ZDHHC3: variants seen among roughly 807,000 people sequenced by gnomAD.
ZDHHC3 encodes palmitoyltransferase ZDHHC3.
In ZDHHC3, 9 loss-of-function variants were observed where a neutral mutation model predicts 30.6. That is an observed-to-expected ratio of 0.29 (90% CI 0.18 to 0.51). ZDHHC3 has a LOEUF of 0.51. Ranked by LOEUF, ZDHHC3 falls within the 20% of genes least tolerant of loss-of-function variation. ZDHHC3 has a pLI of 0.97. For synonymous variants in ZDHHC3, 136 were observed against 140.2 expected (o/e 0.97, Z 0.21); for missense variants, 246 against 384.2 (o/e 0.64, Z 3.01).
chr3:44,963,144 C>T (rs1250369938), intron 1 of ZDHHC3, among the ~76,000 whole-genome samples: 1 of 152,172 alleles, frequency 6.6e-6, no homozygotes, highest in African/African-American at 2.4e-5. Context: ...CAAGTAGGAC[C>T]ATGAGGTAAG....
At chr3:44,967,108 A>G (rs1224421187) in intron 1 of ZDHHC3, among the ~76,000 whole-genome samples, 1 of 152,216 alleles carries the variant, frequency 6.6e-6, no homozygotes. Flanking sequence ...AAAAAAAAGT[A>G]AAATATTGTA....
intron 6 of ZDHHC3, among the ~76,000 whole-genome samples, chr3:44,928,292 G>A (rs1031218127): frequency 2.0e-5 from 3 of 152,162 alleles, no homozygotes; most frequent in African/African-American, 7.2e-5. Flanking sequence ...TGGTGCTCTG[G>A]CAGTGGGCAG....
At chr3:44,929,178 T>G (rs2125813129) in intron 6 of ZDHHC3, 128 bp downstream of exon 6, 1 of 1,242,108 alleles carries the variant, frequency 8.1e-7, no homozygotes, top group Admixed American at 2.6e-5. Context: ...AACAAAGAAC[T>G]GTGCCCTGCA....
intron 6 of ZDHHC3, 133 bp downstream of exon 6, chr3:44,929,173 A>G: frequency 8.3e-7 from 1 of 1,208,006 alleles, no homozygotes. Flanking sequence ...CTGCAAACAA[A>G]GAACTGTGCC....
intron 2 of ZDHHC3, among the ~76,000 whole-genome samples, chr3:44,950,608 G>A (rs1379288318): frequency 6.6e-6 from 1 of 152,118 alleles, no homozygotes; most frequent in Non-Finnish European, 1.5e-5. Flanking sequence ...CCAACCACCT[G>A]AGCCCACCTC....
chr3:44,918,803 G>C lies in ZDHHC3; in HGVS notation c.*7886C>G, dbSNP rs1014079225. 2 of 987,244 alleles carry C rather than the reference G, an allele frequency of 2.0e-6. No homozygotes were observed. The highest frequency in any genetic ancestry group is 1.1e-4 in the East Asian group (1 of 8,846). The allele number at this position is 987,244 out of a possible 1,614,324, so 61.2% of individuals were successfully genotyped here. On this transcript the variant is annotated 3_prime_UTR_variant, in exon 7 of 7. Coordinates refer to ENST00000424952, the MANE Select transcript of ZDHHC3 (RefSeq NM_001135179.2). ...AAGCTGTCAACTCACCTGCCTCTGGGTGTCGGCTGCAACTCAGCCACCAGG... is the reference window on the plus strand; with the variant it reads ...AAGCTGTCAACTCACCTGCCTCTGGCTGTCGGCTGCAACTCAGCCACCAGG...
chr3:44,930,374 G>A (rs1701387944), intron 5 of ZDHHC3, among the ~76,000 whole-genome samples: 1 of 152,204 alleles, frequency 6.6e-6, no homozygotes, highest in South Asian at 2.1e-4. Flanking sequence ...GGAAGATGGT[G>A]CTGACAGACA....
In ZDHHC3 at chr3:44,921,193, A is replaced by G; in HGVS notation, c.*5496T>C. 1 of 984,274 alleles carries G rather than the reference A, an allele frequency of 1.0e-6. No homozygotes were observed. Among genetic ancestry groups the G allele is most frequent in the Non-Finnish European group, 1.2e-6 (1 of 829,798 alleles). The allele number at this position is 984,274 out of a possible 1,614,324, so 61.0% of individuals were successfully genotyped here. On this transcript the variant is annotated 3_prime_UTR_variant, in exon 7 of 7. Coordinates refer to ENST00000424952, the MANE Select transcript of ZDHHC3 (RefSeq NM_001135179.2). ...GTGATCTGTGAACAAACTCACCAAC[A>G]CTCCAAAATGAATGTATTAGGACTA... is the stretch of plus-strand genomic sequence containing the variant.
chr3:44,934,571 CAAAAAAAA>C (rs55841069), intron 3 of ZDHHC3, among the ~76,000 whole-genome samples: 1 of 95,606 alleles, frequency 1.0e-5, no homozygotes. Flanking sequence ...TCCATTTAGC[CAAAAAAAA>C]AAAAAAAAAA....
chr3:44,950,132 C>T (rs1703313488), intron 2 of ZDHHC3, among the ~76,000 whole-genome samples: 1 of 152,208 alleles, frequency 6.6e-6, no homozygotes, highest in African/African-American at 2.4e-5. Flanking sequence ...CCATTGTCCC[C>T]AGCTGTGTTC....
intron 2 of ZDHHC3, among the ~76,000 whole-genome samples, chr3:44,956,920 C>T (rs941732070): frequency 1.3e-5 from 2 of 152,180 alleles, no homozygotes; most frequent in Admixed American, 6.5e-5. Context: ...GCCTCTGAGG[C>T]CCTCTTCACC....
chr3:44,946,406 C>T (rs568618524), intron 2 of ZDHHC3, among the ~76,000 whole-genome samples: 75 of 152,226 alleles, frequency 4.9e-4, no homozygotes, highest in Non-Finnish European at 8.8e-4. Context: ...GTCTTAATAA[C>T]CAACCTTCAC....
chr3:44,971,697 A>G (rs1292653796), intron 1 of ZDHHC3, among the ~76,000 whole-genome samples: 1 of 152,034 alleles, frequency 6.6e-6, no homozygotes, highest in Non-Finnish European at 1.5e-5. Flanking sequence ...ACATGCTGTC[A>G]CTCTCCCAAA....
intron 2 of ZDHHC3, 178 bp from the exon 3 acceptor site, chr3:44,945,470 T>A: frequency 1.1e-6 from 1 of 904,976 alleles, no homozygotes. Context: ...GAATATTTAT[T>A]GACCAAAAAT....
chr3:44,939,682 G>A (rs1401898684), intron 3 of ZDHHC3, among the ~76,000 whole-genome samples: 1 of 152,260 alleles, frequency 6.6e-6, no homozygotes, highest in Non-Finnish European at 1.5e-5. Context: ...CTGCCCAAGA[G>A]TTTAAACAAG....
At chr3:44,931,931 C>T (rs911712016) in intron 5 of ZDHHC3, among the ~76,000 whole-genome samples, 3 of 152,228 alleles carry the variant, frequency 2.0e-5, no homozygotes, top group African/African-American at 7.2e-5. Flanking sequence ...GCCCTTTGGG[C>T]CATTCCTGGC....
At chr3:44,966,609 T>TA (rs1392565618) in intron 1 of ZDHHC3, among the ~76,000 whole-genome samples, 3 of 152,206 alleles carry the variant, frequency 2.0e-5, no homozygotes, top group African/African-American at 7.2e-5. Context: ...GTGATAGTCT[T>TA]AAAGTATTCA....
chr3:44,965,329 T>G (rs1239639613), intron 1 of ZDHHC3, among the ~76,000 whole-genome samples: 1 of 152,138 alleles, frequency 6.6e-6, no homozygotes, highest in Non-Finnish European at 1.5e-5. Context: ...CTTAGTGAAG[T>G]GGAGTCTGGG....
chr3:44,962,925 A>G (rs1704608287), intron 1 of ZDHHC3, among the ~76,000 whole-genome samples: 1 of 152,228 alleles, frequency 6.6e-6, no homozygotes, highest in South Asian at 2.1e-4. Flanking sequence ...ATTTTGGGTA[A>G]TAGGCCTTCA....
Sources: allele counts gnomAD v4.1 joint callset (sites outside exome capture counted in the v4.1 genomes callset), GRCh38; gene constraint gnomAD v4.1.1; transcripts MANE v1.5; gene names NCBI Gene and HGNC (gene_info 2026-07-23, HGNC 2026-07-21).